ANKRD45: variants seen among roughly 807,000 people sequenced by gnomAD.
ANKRD45 encodes the protein ankyrin repeat domain 45.
ANKRD45 carries 21 observed loss-of-function variants against 28.1 expected under a neutral mutation model. The ratio of observed to expected loss-of-function variants is 0.75; its 90% CI spans 0.53 to 1.08. The LOEUF (loss-of-function observed/expected upper bound fraction) is 1.08, where lower values mean the gene tolerates loss of function less well. Ranked by LOEUF, ANKRD45 falls within the 50% of genes least tolerant of loss-of-function variation. The pLI is 0.00. For synonymous variants in ANKRD45, 86 were observed against 103.9 expected, an observed-to-expected ratio of 0.83 and a Z score of 1.05; for missense variants, 261 against 308.7, an observed-to-expected ratio of 0.85 and a Z score of 1.16.
intron 1 of ANKRD45, among the ~76,000 whole-genome samples, chr1:173,668,379 A>T (rs10912660): frequency 0.42 from 64,584 of 152,064 alleles, 17,283 homozygotes; most frequent in African/African-American, 0.75. Flanking sequence ...CAGGGAGCTC[A>T]ACCGAGTCCT....
the ANKRD45 span, among the ~76,000 whole-genome samples, chr1:173,708,417 C>T: frequency 6.6e-6 from 1 of 152,210 alleles, no homozygotes; most frequent in Admixed American, 6.5e-5. Flanking sequence ...GCATTCATCC[C>T]CTCCAGAGGA....
chr1:173,644,519 C>T (rs1454335171), intron 3 of ANKRD45, among the ~76,000 whole-genome samples: 1 of 152,046 alleles, frequency 6.6e-6, no homozygotes, highest in African/African-American at 2.4e-5. Context: ...AAGACATATT[C>T]GGTATAATTG....
rs200228676 is a variant in ANKRD45 at position 173,647,006 on chromosome 1, T to C, written c.336A>G (p.Thr112=). The C allele has an allele frequency of 2.5e-6, 4 of 1,612,708 alleles. No individual in the cohort carries two copies. Among genetic ancestry groups the C allele is most frequent in the African/African-American group, 2.7e-5 (2 of 74,936 alleles). ...CCCAGGCTGCAGCACAATGTAAGAG[T>C]GTGTACCCTAACAAATGGAATGAAG... ...NLNEKTTRGY[T]LLHCAAAWGR... The change falls in exon 3 of 6, where the codon ACA becomes ACG. Residue 112 remains threonine (T), a synonymous_variant. Coordinates refer to ENST00000333279, the MANE Select transcript of ANKRD45 (RefSeq NM_198493.3).
chr1:173,653,928 T>G (rs530900088), intron 2 of ANKRD45, among the ~76,000 whole-genome samples: 1 of 149,894 alleles, frequency 6.7e-6, no homozygotes, highest in South Asian at 2.1e-4. Context: ...CTTGCTTTTT[T>G]TTTTTTTTTT....
chr1:173,622,306 T>C (rs1229400338), intron 5 of ANKRD45, among the ~76,000 whole-genome samples: 4 of 152,150 alleles, frequency 2.6e-5, no homozygotes. Flanking sequence ...GAATAAACTA[T>C]TTTAAAATTC....
intron 4 of ANKRD45, 120 bp from the exon 5 acceptor site, chr1:173,625,045 G>T: frequency 9.5e-7 from 1 of 1,057,654 alleles, no homozygotes; most frequent in Non-Finnish European, 1.3e-6. Flanking sequence ...TTCTGTACCT[G>T]CATTGTCCAA....
intron 3 of ANKRD45, chr1:173,635,501 T>G: frequency 6.8e-7 from 1 of 1,476,812 alleles, no homozygotes; most frequent in South Asian, 1.3e-5. Flanking sequence ...TAGCTACTTT[T>G]TTTTCAATTG....
the ANKRD45 span, among the ~76,000 whole-genome samples, chr1:173,694,973 G>C: frequency 2.0e-5 from 3 of 152,026 alleles, no homozygotes; most frequent in Admixed American, 1.3e-4. Context: ...ACATTTATTA[G>C]TTGTAATATT....
chr1:173,633,384 T>G (rs2102336073), intron 3 of ANKRD45, among the ~76,000 whole-genome samples: 1 of 152,120 alleles, frequency 6.6e-6, no homozygotes, highest in East Asian at 1.9e-4. Flanking sequence ...GTTCATAGAT[T>G]GGAAGAATCA....
At chr1:173,664,490 C>T (rs1444691214) in intron 1 of ANKRD45, among the ~76,000 whole-genome samples, 2 of 152,110 alleles carry the variant, frequency 1.3e-5, no homozygotes, top group African/African-American at 4.8e-5. Context: ...GGTATTCCTG[C>T]TATAAGACCT....
At chr1:173,682,684 T>TATGCACAC in the ANKRD45 span, among the ~76,000 whole-genome samples, 1 of 143,940 alleles carries the variant, frequency 6.9e-6, no homozygotes, top group South Asian at 2.2e-4. Context: ...GCCTTTTAAA[T>TATGCACAC]ACACACACAC....
chr1:173,626,956 G>A, intron 4 of ANKRD45, 109 bp downstream of exon 4: 1 of 669,794 alleles, frequency 1.5e-6, no homozygotes. Flanking sequence ...AGAGGGAGGA[G>A]GGAGGAAGTA....
chr1:173,710,766 T>A, the ANKRD45 span, among the ~76,000 whole-genome samples: 1 of 152,208 alleles, frequency 6.6e-6, no homozygotes, highest in South Asian at 2.1e-4. Flanking sequence ...TCCCTGGTGC[T>A]GTTTGCAACC....
At chr1:173,662,812 T>C (rs1669838262) in intron 1 of ANKRD45, among the ~76,000 whole-genome samples, 2 of 152,064 alleles carry the variant, frequency 1.3e-5, no homozygotes, top group South Asian at 4.1e-4. Context: ...TACCCCATCT[T>C]TAAGAGGAGA....
intron 3 of ANKRD45, among the ~76,000 whole-genome samples, chr1:173,630,818 T>TAAAAAAAAAAAAAAAAAAAAAAAAAAAAA (rs60007196): frequency 3.4e-5 from 1 of 29,058 alleles, no homozygotes. Flanking sequence ...AGACTCTGTC[T>TAAAAAAAAAAAAAAAAAAAAAAAAAAAAA]AAAAAAAAAA....
intron 2 of ANKRD45, 102 bp from the exon 3 acceptor site, chr1:173,647,115 C>A: frequency 8.7e-7 from 1 of 1,153,352 alleles, no homozygotes. Flanking sequence ...TGAACAATTA[C>A]TGTGGGCCAG....
At chr1:173,712,476 T>C in the ANKRD45 span, among the ~76,000 whole-genome samples, 7 of 152,238 alleles carry the variant, frequency 4.6e-5, no homozygotes, top group African/African-American at 7.2e-5. Flanking sequence ...AGTGTGAGTA[T>C]TGATGAGTTA....
At chr1:173,680,866 A>T in the ANKRD45 span, among the ~76,000 whole-genome samples, 1 of 151,878 alleles carries the variant, frequency 6.6e-6, no homozygotes, top group African/African-American at 2.4e-5. Context: ...ACACAAAAAC[A>T]GAAAACCAAA....
intron 3 of ANKRD45, among the ~76,000 whole-genome samples, chr1:173,640,721 C>G (rs1182809225): frequency 6.6e-6 from 1 of 152,182 alleles, no homozygotes; most frequent in Non-Finnish European, 1.5e-5. Context: ...AGCCCTCTAA[C>G]TGACACAGTT....
Sources: allele counts gnomAD v4.1 joint callset (sites outside exome capture counted in the v4.1 genomes callset), GRCh38; gene constraint gnomAD v4.1.1; transcripts MANE v1.5; gene names NCBI Gene and HGNC (gene_info 2026-07-23, HGNC 2026-07-21).